SDC1: variants seen among roughly 807,000 people sequenced by gnomAD.
SDC1 encodes syndecan-1.
A neutral mutation model predicts 29.7 loss-of-function variants in SDC1; 14 were observed. The observed-to-expected ratio is 0.47, with a 90% confidence interval of 0.31 to 0.74. The LOEUF (loss-of-function observed/expected upper bound fraction) is 0.74. Among genes scored for constraint, SDC1 ranks in the 30% least tolerant of loss-of-function variants. SDC1 has a pLI of 0.05. For missense variants in SDC1, 406 were observed against 400.3 expected, an observed-to-expected ratio of 1.01 and a Z score of -0.12; for synonymous variants, 204 against 175.5, an observed-to-expected ratio of 1.16 and a Z score of -1.29.
intron 1 of SDC1, among the ~76,000 whole-genome samples, chr2:20,219,517 CCTT>C (rs1452719909): frequency 6.6e-6 from 1 of 152,250 alleles, no homozygotes; most frequent in Non-Finnish European, 1.5e-5. Flanking sequence ...AAACATACCT[CCTT>C]GTGGTGAGGG....
chr2:20,212,184 C>T (rs1363207172), intron 1 of SDC1, among the ~76,000 whole-genome samples: 1 of 152,234 alleles, frequency 6.6e-6, no homozygotes, highest in East Asian at 1.9e-4. Context: ...TCCTCAGGGA[C>T]CCACAGCACT....
At chr2:20,202,983 C>G in intron 4 of SDC1, 48 bp from the exon 5 acceptor site, 1 of 1,576,484 alleles carries the variant, frequency 6.3e-7, no homozygotes. Context: ...TCCTTGGGCT[C>G]TGCTGCAGAC....
intron 1 of SDC1, among the ~76,000 whole-genome samples, chr2:20,214,507 G>A (rs1677573048): frequency 6.6e-6 from 1 of 152,332 alleles, no homozygotes; most frequent in East Asian, 1.9e-4. Flanking sequence ...AGGGCCCCAG[G>A]TCAAGTGGCT....
chr2:20,217,183 C>A (rs973393562), intron 1 of SDC1, among the ~76,000 whole-genome samples: 12 of 152,200 alleles, frequency 7.9e-5, no homozygotes, highest in African/African-American at 2.9e-4. Flanking sequence ...TGGGACAAAA[C>A]CCTTCCTGTG....
At chr2:20,212,262 C>G (rs1004055346) in intron 1 of SDC1, among the ~76,000 whole-genome samples, 2 of 152,176 alleles carry the variant, frequency 1.3e-5, no homozygotes, top group African/African-American at 2.4e-5. Flanking sequence ...GACAGTCTGG[C>G]CTCTGTCCCT....
Position 20,204,049 on chromosome 2 carries a change from G to T in SDC1, c.391C>A (p.Leu131Ile). Residue 131 changes from leucine (L) to isoleucine (I), a missense_variant, in exon 3 of 5, where the codon CTC becomes ATC. By Grantham distance (5) the Leu-to-Ile change is conservative. Transcript: ENST00000254351. The stretch of plus-strand genomic sequence containing the variant: ...GTTGAGGCCAGATGAGTGGTCGGGA[G>T]CTGTGTGGTCTCCCTGGGTCGGGGG... The part of the protein sequence containing the change: ...ATPRPRETTQ[L>I]PTTHLASTTT... 1 of 1,612,296 alleles carries T rather than the reference G, an allele frequency of 6.2e-7. No homozygotes were observed. Among genetic ancestry groups the T allele is most frequent in the Admixed American group, 1.7e-5 (1 of 60,004 alleles).
intron 1 of SDC1, among the ~76,000 whole-genome samples, chr2:20,216,247 G>A (rs990264548): frequency 2.0e-5 from 3 of 152,192 alleles, no homozygotes; most frequent in African/African-American, 7.2e-5. Flanking sequence ...AAGGTGGGGG[G>A]CAGGGCCTGA....
intron 1 of SDC1, among the ~76,000 whole-genome samples, chr2:20,220,568 C>T (rs772945131): frequency 1.3e-5 from 2 of 152,232 alleles, no homozygotes; most frequent in African/African-American, 4.8e-5. Flanking sequence ...TTAATTATAT[C>T]GACAGCTAAC....
rs1677718330 is a variant in SDC1 at position 20,218,794 on chromosome 2, TATACACACAGAC to T, written c.66+5996_66+6007del. Among the ~76,000 whole-genome samples the T allele has an allele frequency of 2.8e-5, 4 of 144,224 alleles. No individual in the cohort carries two copies. In the South Asian group the frequency reaches 6.8e-4, roughly 25 times the overall value. The allele number at this position is 144,224 out of a possible 152,430, so 94.6% of individuals were successfully genotyped here. A position where few individuals can be genotyped will look rare whatever the true frequency, so the allele number is the denominator to read the frequency against. On this transcript the variant is annotated intron_variant, in intron 1 of 4. Transcript: ENST00000254351. ...ACACAGACACATGGAGACACACAGA[TATACACACAGAC>T]ATACACACGCAGACACACACACACA...
In SDC1 at chr2:20,202,500, C is replaced by T; in HGVS notation, c.*266G>A. The T allele has an allele frequency of 3.4e-6, 2 of 591,090 alleles. No individual in the cohort carries two copies. Among genetic ancestry groups the T allele is most frequent in the Non-Finnish European group, 6.0e-6 (2 of 333,226 alleles). 36.6% of individuals were successfully genotyped at this position (591,090 alleles called of 1,614,324 possible). ...CTGCTTCAGTTTGGAGAAACCGAGT[C>T]AGAATGGTGCGATGCCAGGTGCTGG... On this transcript the variant is annotated 3_prime_UTR_variant, in exon 5 of 5. Coordinates refer to ENST00000254351, the MANE Select transcript of SDC1 (RefSeq NM_002997.5).
chr2:20,213,429 C>T (rs1310485548), intron 1 of SDC1, among the ~76,000 whole-genome samples: 1 of 152,198 alleles, frequency 6.6e-6, no homozygotes, highest in Non-Finnish European at 1.5e-5. Context: ...CGCCAAACAC[C>T]CCCCACTTAG....
chr2:20,212,149 C>A lies in SDC1; in HGVS notation c.67-6725G>T, dbSNP rs1320091345. Among the ~76,000 whole-genome samples the A allele has an allele frequency of 2.0e-5, 3 of 152,308 alleles. No individual in the cohort carries two copies. In the East Asian group the frequency reaches 5.8e-4, roughly 29 times the overall value. The stretch of plus-strand genomic sequence containing the variant: ...TCTGGGAACTAGACAGGGGTTCTGT[C>A]CCCCAAGACTCTCCAAATGCCCCCT... On this transcript the variant is annotated intron_variant, in intron 1 of 4. Coordinates refer to ENST00000254351, the MANE Select transcript of SDC1 (RefSeq NM_002997.5).
chr2:20,204,339 G>A, intron 2 of SDC1, 48 bp from the exon 3 acceptor site: 1 of 1,016,558 alleles, frequency 9.8e-7, no homozygotes. Flanking sequence ...GGGTGGGGAG[G>A]ACCAGAAGCA....
chr2:20,217,220 G>C (rs921196122), intron 1 of SDC1, among the ~76,000 whole-genome samples: 1 of 152,194 alleles, frequency 6.6e-6, no homozygotes, highest in Non-Finnish European at 1.5e-5. Context: ...GCTGAATCGC[G>C]AATCCCGTTC....
Position 20,203,242 on chromosome 2 carries a change from G to C in SDC1, c.628-20C>G. 3.1e-6 allele frequency: 5 copies of C among 1,589,288 alleles called. No homozygotes were observed. The highest frequency in any genetic ancestry group is 4.3e-6 in the Non-Finnish European group (5 of 1,162,396). ...GAAGTCCTGTGGGAGGGCAGGGGCAGATTGGGTTGGCCAGGTCACCGCCAG... is the reference window on the plus strand; with the variant it reads ...GAAGTCCTGTGGGAGGGCAGGGGCACATTGGGTTGGCCAGGTCACCGCCAG... On this transcript the variant is annotated intron_variant, in intron 3 of 4. Transcript: ENST00000254351.
At position 20,204,256 on chromosome 2, in the gene SDC1, G is replaced by A. The variant is rs1677166492; in HGVS notation, c.184C>T (p.Pro62Ser). 2 of 1,598,518 alleles carry A rather than the reference G, an allele frequency of 1.3e-6. No homozygotes were observed. The highest frequency in any genetic ancestry group is 1.7e-4 in the Middle Eastern group (1 of 6,050). Residue 62 changes from proline (P) to serine (S), a missense_variant, in exon 3 of 5, where the codon CCC becomes TCC. Pro to Ser is a moderately conservative substitution (Grantham distance 74, BLOSUM62 -1). Coordinates refer to ENST00000254351, the MANE Select transcript of SDC1 (RefSeq NM_002997.5). ...LQDITLSQQTPSTWKDTQLLT... is the reference protein window; with the variant it reads ...LQDITLSQQTSSTWKDTQLLT... ...AGCTGCGTGTCCTTCCAAGTGGAGG[G>A]GGTCTGCTGTGACAAGGTGATATCT... is the stretch of plus-strand genomic sequence containing the variant.
chr2:20,208,954 G>A (rs754065860), intron 1 of SDC1, among the ~76,000 whole-genome samples: 90 of 152,290 alleles, frequency 5.9e-4, no homozygotes, highest in Middle Eastern at 6.8e-3. Flanking sequence ...CACCCACAGC[G>A]CAGACCCTAG....
intron 1 of SDC1, chr2:20,207,931 A>G: frequency 1.0e-6 from 1 of 985,062 alleles, no homozygotes; most frequent in Non-Finnish European, 1.2e-6. Context: ...ACTCACTGGG[A>G]TCATGGCTTC....
rs1281813535 is a variant in SDC1, at chr2:20,202,831, C to T, written c.868G>A (p.Glu290Lys). 6.2e-7 allele frequency: 1 copy of T among 1,613,838 alleles called. No individual in the cohort carries two copies. Among genetic ancestry groups the T allele is most frequent in the East Asian group, 2.2e-5 (1 of 44,874 alleles). Reference sequence around the variant, plus strand: ...GCCCCGCCGTTGGCTTGTTTCGGCTCCTCCAAGGAGTAGCTGCCTTCGTCC... The same window carrying T: ...GCCCCGCCGTTGGCTTGTTTCGGCTTCTCCAAGGAGTAGCTGCCTTCGTCC... ...KKDEGSYSLE[E>K]PKQANGGAYQ... is the part of the protein sequence containing the mutation. Residue 290 changes from glutamate to lysine, a missense_variant, in exon 5 of 5, where the codon GAG (glutamate) becomes AAG (lysine). Transcript: ENST00000254351.
Sources: gnomAD v4.1 joint callset for allele counts (sites outside exome capture counted in the v4.1 genomes callset) on GRCh38, gnomAD v4.1.1 for gene constraint, MANE v1.5 for transcripts, NCBI Gene and HGNC (gene_info 2026-07-23, HGNC 2026-07-21) for gene names.